Variants in NFATC3 observed in about 807,000 individuals in gnomAD.
The protein encoded by NFATC3 is nuclear factor of activated T cells 3.
Under a neutral mutation model 98.6 loss-of-function variants are expected in NFATC3, and 46 were observed. The ratio of observed to expected loss-of-function variants is 0.47; its 90% confidence interval spans 0.37 to 0.60. The LOEUF is 0.60. Among genes scored for constraint, NFATC3 ranks in the 20% least tolerant of loss-of-function variants. The pLI is 0.00. For missense variants in NFATC3, 1,256 were observed against 1,295.5 expected (o/e 0.97, Z 0.47); for synonymous variants, 512 against 472.2 (o/e 1.08, Z -1.09).
At chr16:68,166,562 A>G (rs954555226) in intron 4 of NFATC3, among the ~76,000 whole-genome samples, 5 of 152,190 alleles carry the variant, frequency 3.3e-5, no homozygotes, top group African/African-American at 1.2e-4. Context: ...AGGCATAGAT[A>G]CTCTACGTCT....
At chr16:68,203,118 A>T (rs551275056) in intron 9 of NFATC3, among the ~76,000 whole-genome samples, 1 of 152,202 alleles carries the variant, frequency 6.6e-6, no homozygotes, top group Non-Finnish European at 1.5e-5. Flanking sequence ...GAGATGGACC[A>T]TGATGGGGAT....
At chr16:68,201,943 G>C in intron 9 of NFATC3, among the ~76,000 whole-genome samples, 1 of 115,084 alleles carries the variant, frequency 8.7e-6, no homozygotes, top group African/African-American at 3.4e-5. Context: ...GGGCAACAGA[G>C]TGAGACTCCA....
intron 6 of NFATC3, among the ~76,000 whole-genome samples, chr16:68,177,044 T>TG (rs2039748352): frequency 1.3e-5 from 2 of 151,100 alleles, no homozygotes; most frequent in Non-Finnish European, 2.9e-5. Flanking sequence ...TTTTTTTTTT[T>TG]TTGTTTTTTT....
At position 68,138,725 on chromosome 16, in the gene NFATC3, G is replaced by T. The variant is rs981937670; in HGVS notation, c.1401+12115G>T. On this transcript the variant is annotated intron_variant, in intron 3 of 9. Coordinates refer to ENST00000346183, the MANE Select transcript of NFATC3 (RefSeq NM_173165.3). ...ACTGGGAAAAGTAGTCCCTGGCTGGGCAGCCTTTCCTCATCAAAACTCTGT... is the reference window on the plus strand; with the variant it reads ...ACTGGGAAAAGTAGTCCCTGGCTGGTCAGCCTTTCCTCATCAAAACTCTGT... 4.0e-5 allele frequency: 51 copies of T among 1,288,880 alleles called. No individual in the cohort carries two copies. In the African/African-American group the frequency reaches 7.1e-4, roughly 18 times the overall value. 79.8% of individuals were successfully genotyped at this position (1,288,880 alleles called of 1,614,324 possible). A position where few individuals can be genotyped will look rare whatever the true frequency, so the allele number is the denominator to read the frequency against.
intron 8 of NFATC3, among the ~76,000 whole-genome samples, chr16:68,190,460 A>G (rs527829454): frequency 1.3e-5 from 2 of 152,350 alleles, no homozygotes; most frequent in South Asian, 2.1e-4. Flanking sequence ...AGTATATAGT[A>G]AAAAGTAAAC....
At chr16:68,169,860 G>A (rs2039376332) in intron 5 of NFATC3, among the ~76,000 whole-genome samples, 1 of 151,724 alleles carries the variant, frequency 6.6e-6, no homozygotes, top group Non-Finnish European at 1.5e-5. Flanking sequence ...AGAACCGCTT[G>A]AACCCAGGAG....
At chr16:68,126,748 G>C (rs2036854161) in intron 3 of NFATC3, 138 bp downstream of exon 3, 1 of 706,976 alleles carries the variant, frequency 1.4e-6, no homozygotes, top group Non-Finnish European at 2.3e-6. Flanking sequence ...GGGGCTTGTT[G>C]ATGTGACTAC....
At chr16:68,188,512 C>T (rs1203435331) in intron 8 of NFATC3, among the ~76,000 whole-genome samples, 1 of 152,224 alleles carries the variant, frequency 6.6e-6, no homozygotes, top group Non-Finnish European at 1.5e-5. Context: ...CTGCACCTCG[C>T]CCACTGCAGC....
intron 1 of NFATC3, among the ~76,000 whole-genome samples, chr16:68,095,264 C>T (rs2034953435): frequency 6.6e-6 from 1 of 151,588 alleles, no homozygotes; most frequent in African/African-American, 2.4e-5. Flanking sequence ...CCTCTGCCTC[C>T]TGGGTTCAGG....
At chr16:68,105,526 T>C (rs1567499452) in intron 1 of NFATC3, among the ~76,000 whole-genome samples, 1 of 152,174 alleles carries the variant, frequency 6.6e-6, no homozygotes, top group Non-Finnish European at 1.5e-5. Flanking sequence ...TTTGCTAGTG[T>C]ATATTTTGTT....
At chr16:68,223,292 G>A (rs1380881445) in intron 9 of NFATC3, among the ~76,000 whole-genome samples, 1 of 151,852 alleles carries the variant, frequency 6.6e-6, no homozygotes, top group Non-Finnish European at 1.5e-5. Flanking sequence ...TCCCAGCACT[G>A]TGGGAGGATT....
intron 9 of NFATC3, chr16:68,209,697 C>A: frequency 2.3e-6 from 1 of 432,294 alleles, no homozygotes; most frequent in Non-Finnish European, 4.5e-6. Flanking sequence ...TGACAAGAAG[C>A]TAGGGGGAAT....
At chr16:68,133,494 A>G (rs918794629) in intron 3 of NFATC3, among the ~76,000 whole-genome samples, 2 of 152,200 alleles carry the variant, frequency 1.3e-5, no homozygotes, top group Non-Finnish European at 2.9e-5. Flanking sequence ...AACGCAATGA[A>G]TATTTAACAC....
intron 8 of NFATC3, among the ~76,000 whole-genome samples, chr16:68,185,236 C>T (rs1238208541): frequency 6.6e-6 from 1 of 152,152 alleles, no homozygotes; most frequent in African/African-American, 2.4e-5. Context: ...CTTGGCCTTC[C>T]AAAGCGCTGG....
At chr16:68,181,112 G>A (rs1286454976) in intron 6 of NFATC3, among the ~76,000 whole-genome samples, 1 of 152,204 alleles carries the variant, frequency 6.6e-6, no homozygotes, top group Non-Finnish European at 1.5e-5. Context: ...GTAGTTTACA[G>A]TCCCACCAAC....
chr16:68,166,757 G>T, intron 4 of NFATC3, 86 bp from the exon 5 acceptor site: 1 of 1,107,600 alleles, frequency 9.0e-7, no homozygotes, highest in Non-Finnish European at 1.2e-6. Context: ...GTTTTTTTCT[G>T]ACAAATTAAC....
chr16:68,157,883 C>T lies in NFATC3; in HGVS notation c.1416C>T (p.Asn472=), dbSNP rs756335867. Residue 472 remains asparagine, a synonymous_variant, in exon 4 of 10, where the codon AAC becomes AAT. Coordinates refer to ENST00000346183, the MANE Select transcript of NFATC3 (RefSeq NM_173165.3). ...GHPVVKLLGY[N]EKPINLQMFI... The stretch of plus-strand genomic sequence containing the variant: ...TTCCTGATTAGCTCCTGGGCTATAA[C>T]GAAAAGCCAATAAATCTACAAATGT... The T allele has an allele frequency of 1.2e-5, 19 of 1,612,580 alleles. No individual in the cohort carries two copies. Among genetic ancestry groups the T allele is most frequent in the East Asian group, 4.5e-5 (2 of 44,790 alleles).
At chr16:68,145,114 A>G (rs1197560331) in intron 3 of NFATC3, among the ~76,000 whole-genome samples, 1 of 149,304 alleles carries the variant, frequency 6.7e-6, no homozygotes, top group Non-Finnish European at 1.5e-5. Flanking sequence ...CCTAACAACC[A>G]ACTTTTCTTT....
At chr16:68,106,207 T>G (rs980051223) in intron 1 of NFATC3, among the ~76,000 whole-genome samples, 7 of 152,158 alleles carry the variant, frequency 4.6e-5, no homozygotes, top group Admixed American at 2.6e-4. Context: ...TATTCTTACA[T>G]ATATTTTTGC....
Sources: allele counts gnomAD v4.1 joint callset (sites outside exome capture counted in the v4.1 genomes callset), GRCh38; gene constraint gnomAD v4.1.1; transcripts MANE v1.5; gene names NCBI Gene and HGNC (gene_info 2026-07-23, HGNC 2026-07-21).